Variants in PTPRD observed in about 807,000 individuals in gnomAD.
The protein encoded by PTPRD is receptor-type tyrosine-protein phosphatase delta.
Under a neutral mutation model 214.5 loss-of-function variants are expected in PTPRD, and 34 were observed. The observed-to-expected ratio is 0.16, with a 90% CI of 0.12 to 0.21. PTPRD has a LOEUF of 0.21. PTPRD is among the 10% of genes least tolerant of loss of function. PTPRD has a pLI of 1.00. For missense variants in PTPRD, 2,545 were observed against 2,398.7 expected, an observed-to-expected ratio of 1.06 and a Z score of -1.27; for synonymous variants, 1,128 against 845.7, an observed-to-expected ratio of 1.33 and a Z score of -5.79.
chr9:9,417,525 A>T (rs150585886), intron 8 of PTPRD, among the ~76,000 whole-genome samples: 1,684 of 151,878 alleles, frequency 0.011, 17 homozygotes, highest in South Asian at 0.017. Context: ...ATTCTAAAAA[A>T]CTCCAGTTCA....
intron 5 of PTPRD, among the ~76,000 whole-genome samples, chr9:9,903,059 ATGTGTATT>A (rs149392692): frequency 0.057 from 8,615 of 152,144 alleles, 331 homozygotes; most frequent in African/African-American, 0.1. Flanking sequence ...ACATATGTAT[ATGTGTATT>A]TGAGCTAAAG....
intron 12 of PTPRD, among the ~76,000 whole-genome samples, chr9:8,722,054 G>C (rs1054413704): frequency 1.3e-5 from 2 of 151,672 alleles, no homozygotes; most frequent in Non-Finnish European, 2.9e-5. Context: ...AGAATTCCTT[G>C]ATAAGAAAAA....
In PTPRD at chr9:8,486,108, A is replaced by G; in HGVS notation, c.2709T>C (p.Phe903=). The change falls in exon 28 of 46, where the codon TTT becomes TTC. Residue 903 remains phenylalanine, a synonymous_variant. Coordinates refer to ENST00000381196, the MANE Select transcript of PTPRD (RefSeq NM_002839.4). ...AAATCTCCTTCACCATCTCCTCCCC[A>G]AAGCCCACTTTGTTTCTGGCTGAGA... ...FRLSARNKVG[F]GEEMVKEISI... is the part of the protein sequence containing the mutation. 1 of 1,614,204 alleles carries G rather than the reference A, an allele frequency of 6.2e-7. No individual in the cohort carries two copies. The highest frequency in any genetic ancestry group is 8.5e-7 in the Non-Finnish European group (1 of 1,180,030).
intron 5 of PTPRD, among the ~76,000 whole-genome samples, chr9:9,882,260 A>G (rs2068985703): frequency 6.6e-6 from 1 of 152,130 alleles, no homozygotes; most frequent in Non-Finnish European, 1.5e-5. Flanking sequence ...AAGCAGAAGG[A>G]TCGAAATTAG....
At chr9:8,348,647 C>A (rs1303114681) in intron 39 of PTPRD, among the ~76,000 whole-genome samples, 2 of 152,110 alleles carry the variant, frequency 1.3e-5, no homozygotes, top group Non-Finnish European at 2.9e-5. Context: ...ACTGTTAAAA[C>A]CGCAGGGCCC....
chr9:10,312,713 G>A (rs1180446489), intron 3 of PTPRD, among the ~76,000 whole-genome samples: 1 of 151,734 alleles, frequency 6.6e-6, no homozygotes, highest in East Asian at 1.9e-4. Context: ...AAGAGAGTAA[G>A]ACAATAAAAA....
At chr9:9,341,684 G>A (rs2046861592) in intron 9 of PTPRD, among the ~76,000 whole-genome samples, 1 of 151,926 alleles carries the variant, frequency 6.6e-6, no homozygotes, top group Non-Finnish European at 1.5e-5. Context: ...CCTGAGGGCT[G>A]GAATGATCAC....
chr9:9,954,297 C>CAAA lies in PTPRD; in HGVS notation c.-471-15690_-471-15688dup, dbSNP rs781628679. On this transcript the variant is annotated intron_variant, in intron 4 of 45. Transcript: ENST00000381196. Reference sequence around the variant, plus strand: ...GACAGATTGAGACTCTGTCTCAAAACAAAAAAAAAAAAAAAAAAAAAAAAA... The same window carrying CAAA: ...GACAGATTGAGACTCTGTCTCAAAACAAAAAAAAAAAAAAAAAAAAAAAAAAAA... Among the ~76,000 whole-genome samples, 339 of 53,778 alleles carry CAAA rather than the reference C, an allele frequency of 6.3e-3. 50 individuals are homozygous for CAAA. Among genetic ancestry groups the CAAA allele is most frequent in the Middle Eastern group, 0.026 (1 of 38 alleles). 35.3% of individuals were successfully genotyped at this position (53,778 alleles called of 152,430 possible).
chr9:9,613,127 CATACATACATAT>C (rs1159354466), intron 7 of PTPRD, among the ~76,000 whole-genome samples: 1 of 39,118 alleles, frequency 2.6e-5, no homozygotes, highest in African/African-American at 8.4e-5. Flanking sequence ...CTGCAGTATA[CATACATACATAT>C]ATATATATAT....
intron 39 of PTPRD, among the ~76,000 whole-genome samples, chr9:8,368,659 T>C (rs1237929226): frequency 4.0e-5 from 6 of 150,000 alleles, no homozygotes; most frequent in Admixed American, 3.3e-4. Context: ...GGGGACACTA[T>C]GCAATTCCTT....
chr9:10,068,034 A>G (rs2097915958), intron 3 of PTPRD, among the ~76,000 whole-genome samples: 1 of 151,952 alleles, frequency 6.6e-6, no homozygotes, highest in African/African-American at 2.4e-5. Flanking sequence ...TTCTGATACA[A>G]TCCTGAGTTC....
intron 37 of PTPRD, among the ~76,000 whole-genome samples, chr9:8,378,667 C>A (rs1357756135): frequency 6.6e-6 from 1 of 152,030 alleles, no homozygotes; most frequent in Non-Finnish European, 1.5e-5. Flanking sequence ...TCCCTAAGGA[C>A]AAATATCACT....
chr9:9,944,952 T>C (rs965629160), intron 4 of PTPRD, among the ~76,000 whole-genome samples: 2 of 151,784 alleles, frequency 1.3e-5, no homozygotes, highest in African/African-American at 4.9e-5. Flanking sequence ...AGGCCTACTG[T>C]AAAAGTCTAG....
chr9:10,139,975 T>G (rs1025146109), intron 3 of PTPRD, among the ~76,000 whole-genome samples: 1 of 152,082 alleles, frequency 6.6e-6, no homozygotes, highest in Admixed American at 6.6e-5. Context: ...ATATCAGCCT[T>G]GGCAAATAAT....
intron 8 of PTPRD, among the ~76,000 whole-genome samples, chr9:9,537,007 CAA>C (rs1285090900): frequency 6.6e-6 from 1 of 151,834 alleles, no homozygotes; most frequent in Non-Finnish European, 1.5e-5. Flanking sequence ...TATGGTTCAA[CAA>C]AAGTTTTACC....
intron 9 of PTPRD, among the ~76,000 whole-genome samples, chr9:9,311,647 T>C (rs1959041911): frequency 6.6e-6 from 1 of 152,116 alleles, no homozygotes; most frequent in East Asian, 1.9e-4. Flanking sequence ...TAATTAGCTA[T>C]AAAAATGAGA....
intron 10 of PTPRD, among the ~76,000 whole-genome samples, chr9:9,084,217 C>T (rs2099763531): frequency 6.6e-6 from 1 of 152,200 alleles, no homozygotes; most frequent in African/African-American, 2.4e-5. Flanking sequence ...GAATACTATG[C>T]AGCCATGAAA....
intron 7 of PTPRD, among the ~76,000 whole-genome samples, chr9:9,690,532 C>A (rs2097251611): frequency 6.6e-6 from 1 of 151,682 alleles, no homozygotes; most frequent in African/African-American, 2.4e-5. Flanking sequence ...AGGTCTTATC[C>A]CCTCAAATCA....
intron 8 of PTPRD, among the ~76,000 whole-genome samples, chr9:9,398,621 G>C (rs984256055): frequency 6.6e-6 from 1 of 152,020 alleles, no homozygotes; most frequent in Admixed American, 6.6e-5. Flanking sequence ...AAGAAATTGA[G>C]GGTGAAGAAT....
Sources: gnomAD v4.1 joint callset for allele counts (sites outside exome capture counted in the v4.1 genomes callset) on GRCh38, gnomAD v4.1.1 for gene constraint, MANE v1.5 for transcripts, NCBI Gene and HGNC (gene_info 2026-07-23, HGNC 2026-07-21) for gene names.